Variants in CIT observed in about 807,000 individuals in gnomAD.
CIT encodes the protein citron Rho-interacting kinase.
Under a neutral mutation model 272.7 loss-of-function variants are expected in CIT, and 79 were observed. That is an observed-to-expected ratio of 0.29 (90% CI 0.24 to 0.35). CIT has a LOEUF of 0.35. Among genes scored for constraint, CIT ranks in the 10% least tolerant of loss-of-function variants. The probability of loss-of-function intolerance (pLI) is 1.00; values close to 1 mark genes in which losing one functional copy is unlikely to be tolerated. For synonymous variants in CIT, 948 were observed against 995.6 expected, an observed-to-expected ratio of 0.95 and a Z score of 0.90; for missense variants, 1,909 against 2,618.3, an observed-to-expected ratio of 0.73 and a Z score of 5.91.
Position 119,690,116 on chromosome 12 carries a change from G to C in CIT, c.6186+35C>G. The C allele has an allele frequency of 9.0e-6, 13 of 1,439,806 alleles. No homozygotes were observed. Among genetic ancestry groups the C allele is most frequent in the Non-Finnish European group, 1.2e-5 (13 of 1,105,102 alleles). 89.2% of individuals were successfully genotyped at this position (1,439,806 alleles called of 1,614,324 possible). A position where few individuals can be genotyped will look rare whatever the true frequency, so the allele number is the denominator to read the frequency against. On this transcript the variant is annotated intron_variant, in intron 47 of 47. Transcript: ENST00000392521. The surrounding 1 kb of genome is among the most constrained non-coding windows in gnomAD (Gnocchi z 6.0). ...GTTCCCCAAGTCACTCCTGGCCTCC[G>C]CAACAGACACACAGGCCTCGGAATG...
At chr12:119,828,178 A>G (rs1968323072) in intron 7 of CIT, among the ~76,000 whole-genome samples, 1 of 152,230 alleles carries the variant, frequency 6.6e-6, no homozygotes. Flanking sequence ...ATCATTTTCT[A>G]ATTTTCTAAA....
rs1964546803 is a variant in CIT at position 119,784,121 on chromosome 12, G to C, written c.1402-70C>G. On this transcript the variant is annotated intron_variant, in intron 11 of 47. Coordinates refer to ENST00000392521, the MANE Select transcript of CIT (RefSeq NM_001206999.2). This position sits in a 1 kb window ranked among gnomAD's most constrained non-coding sequence, Gnocchi z 4.7. ...ATTAGGAGCAATCACATCTCAAGTA[G>C]CCTCCGAAACCACCTGGTGGTCTGG... 3.1e-6 allele frequency: 5 copies of C among 1,613,158 alleles called. No homozygotes were observed. Among genetic ancestry groups the C allele is most frequent in the Non-Finnish European group, 4.2e-6 (5 of 1,179,446 alleles).
In CIT at chr12:119,694,328, C is replaced by G. The variant is rs930371502; in HGVS notation, c.5882+3331G>C. 6.6e-6 allele frequency among the ~76,000 whole-genome samples: 1 copy of G among 152,148 alleles called. No homozygotes were observed. Among genetic ancestry groups the G allele is most frequent in the Non-Finnish European group, 1.5e-5 (1 of 68,024 alleles). ...ATTTATTGCAGCAACAGATTGGAGA[C>G]AACTCGAACAGCCATTAATGAAGAA... is the stretch of plus-strand genomic sequence containing the variant. On this transcript the variant is annotated intron_variant, in intron 46 of 47. Coordinates refer to ENST00000392521, the MANE Select transcript of CIT (RefSeq NM_001206999.2). This position sits in a 1 kb window ranked among gnomAD's most constrained non-coding sequence, Gnocchi z 4.5.
At position 119,735,361 on chromosome 12, in the gene CIT, A is replaced by G; in HGVS notation, c.2959-4T>C. ...GCTCCTCCAGGTCTGTGATTACCTA[A>G]AAGAGGAAAGGAATCCAGTTACACG... On this transcript the variant is annotated splice_polypyrimidine_tract_variant and splice_region_variant and intron_variant, in intron 24 of 47. Coordinates refer to ENST00000392521, the MANE Select transcript of CIT (RefSeq NM_001206999.2). 1 of 1,613,994 alleles carries G rather than the reference A, an allele frequency of 6.2e-7. No homozygotes were observed. Among genetic ancestry groups the G allele is most frequent in the South Asian group, 1.1e-5 (1 of 91,080 alleles).
chr12:119,760,835 C>T (rs1304974447), intron 20 of CIT, 104 bp downstream of exon 20: 4 of 792,678 alleles, frequency 5.0e-6, no homozygotes, highest in Admixed American at 2.0e-5. Flanking sequence ...CAGGATTCAA[C>T]AGAAGGAATT....
intron 2 of CIT, among the ~76,000 whole-genome samples, chr12:119,874,854 T>C (rs896775845): frequency 7.0e-5 from 10 of 143,346 alleles, no homozygotes; most frequent in Non-Finnish European, 1.5e-4. Flanking sequence ...GCCACTGCAC[T>C]CCAGCCTGGG....
chr12:119,792,894 G>A (rs945999512), intron 10 of CIT, among the ~76,000 whole-genome samples: 6 of 152,104 alleles, frequency 3.9e-5, no homozygotes, highest in East Asian at 3.9e-4. Context: ...CCTGGGAGGC[G>A]GAGGTTGTCT....
intron 19 of CIT, among the ~76,000 whole-genome samples, chr12:119,762,493 T>C (rs1450481295): frequency 6.6e-6 from 1 of 152,160 alleles, no homozygotes; most frequent in Non-Finnish European, 1.5e-5. Flanking sequence ...TCATAAAGAT[T>C]CCAGTAGGGA....
At chr12:119,735,063 G>T in intron 25 of CIT, 97 bp downstream of exon 25, 2 of 1,086,266 alleles carry the variant, frequency 1.8e-6, no homozygotes, top group Non-Finnish European at 1.4e-6. Flanking sequence ...TACTGTATGA[G>T]GTTCAGTGTT....
intron 9 of CIT, among the ~76,000 whole-genome samples, chr12:119,817,495 G>C (rs758615970): frequency 3.3e-5 from 5 of 152,076 alleles, no homozygotes; most frequent in African/African-American, 9.7e-5. Context: ...CTGGGCAACA[G>C]AGCGAGACCC....
chr12:119,815,107 C>T (rs201436480), intron 9 of CIT, among the ~76,000 whole-genome samples: 1 of 15,542 alleles, frequency 6.4e-5, no homozygotes, highest in African/African-American at 3.5e-4. Flanking sequence ...ACACACACAA[C>T]ACACACACAC....
chr12:119,721,588 A>G (rs1337867122), intron 28 of CIT, 139 bp from the exon 29 acceptor site: 8 of 787,264 alleles, frequency 1.0e-5, no homozygotes, highest in Non-Finnish European at 1.5e-5. Context: ...AGAATTACCA[A>G]TTGTCATCTA....
intron 44 of CIT, among the ~76,000 whole-genome samples, chr12:119,699,528 G>A (rs111832671): frequency 0.026 from 4,034 of 152,246 alleles, 170 homozygotes; most frequent in African/African-American, 0.091. Context: ...CTGACTCTGC[G>A]GTCTGCTCTA....
rs752318456 is a variant in CIT, at chr12:119,701,625, G to A, written c.5541C>T (p.His1847=). 24 of 1,613,518 alleles carry A rather than the reference G, an allele frequency of 1.5e-5. No homozygotes were observed. In the East Asian group the frequency reaches 3.3e-4, roughly 22 times the overall value. ...GQREEYLLCF[H]EFGVFVDSYG... ...GCAGTGGGCGCAGCCACGACTCACC[G>A]TGGAAACACAGCAAGTACTCCTCTC... Residue 1847 remains histidine (H), a splice_region_variant and synonymous_variant, in exon 43 of 48, where the codon CAC becomes CAT. Transcript: ENST00000392521.
At chr12:119,806,157 A>AAAAAG (rs1966596378) in intron 9 of CIT, among the ~76,000 whole-genome samples, 1 of 151,506 alleles carries the variant, frequency 6.6e-6, no homozygotes, top group African/African-American at 2.4e-5. Flanking sequence ...AAAAAAAAAA[A>AAAAAG]AAAAGGAAAG....
At chr12:119,765,480 T>C (rs1486231384) in intron 19 of CIT, among the ~76,000 whole-genome samples, 2 of 143,664 alleles carry the variant, frequency 1.4e-5, no homozygotes, top group African/African-American at 5.2e-5. Context: ...TTTTTTTTTT[T>C]TTTTTTTTGA....
Position 119,712,050 on chromosome 12 carries a change from A to T in CIT, c.4854+128T>A. The T allele has an allele frequency of 1.1e-6, 1 of 881,682 alleles. No individual in the cohort carries two copies. Among genetic ancestry groups the T allele is most frequent in the East Asian group, 2.5e-5 (1 of 40,114 alleles). The allele number at this position is 881,682 out of a possible 1,614,324, so 54.6% of individuals were successfully genotyped here. ...GACTCCTGGCCATGACACAGTCTAG[A>T]GCCATCAGCCCTCAGAGAGAGAGCC... is the stretch of plus-strand genomic sequence containing the variant. On this transcript the variant is annotated intron_variant, in intron 37 of 47. Transcript: ENST00000392521. The surrounding 1 kb of genome is among the most constrained non-coding windows in gnomAD (Gnocchi z 5.2).
At chr12:119,841,688 T>C (rs911331581) in intron 5 of CIT, among the ~76,000 whole-genome samples, 1 of 152,174 alleles carries the variant, frequency 6.6e-6, no homozygotes, top group Non-Finnish European at 1.5e-5. Context: ...TCCGCATCCA[T>C]CTATAGAAAA....
intron 40 of CIT, among the ~76,000 whole-genome samples, chr12:119,706,172 G>C (rs1486539716): frequency 6.6e-6 from 1 of 152,024 alleles, no homozygotes; most frequent in African/African-American, 2.4e-5. Flanking sequence ...AAAATGCGAT[G>C]GTTTTCAACA....
Sources: gnomAD v4.1 joint callset for allele counts (sites outside exome capture counted in the v4.1 genomes callset) on GRCh38, gnomAD v4.1.1 for gene constraint, Gnocchi (gnomAD v3.1) non-coding constraint, MANE v1.5 for transcripts, NCBI Gene and HGNC (gene_info 2026-07-23, HGNC 2026-07-21) for gene names.